UFL1: variants seen among roughly 807,000 people sequenced by gnomAD.
UFL1 encodes E3 UFM1-protein ligase 1.
A neutral mutation model predicts 99.3 loss-of-function variants in UFL1; 78 were observed. The ratio of observed to expected loss-of-function variants is 0.79; its 90% CI spans 0.65 to 0.95. The LOEUF is 0.95. Ranked by LOEUF, UFL1 falls within the 40% of genes least tolerant of loss-of-function variation. The pLI, the probability that UFL1 is intolerant of heterozygous loss-of-function variation, is 0.00. For synonymous variants in UFL1, 335 were observed against 322.2 expected (o/e 1.04, Z -0.42); for missense variants, 936 against 937.0 (o/e 1.00, Z 0.01).
rs182542669 is a variant in UFL1, at chr6:96,554,556, T to C, written c.*1053T>C. 17 of 152,008 alleles carry C rather than the reference T, an allele frequency of 1.1e-4. No individual in the cohort carries two copies. Among genetic ancestry groups the C allele is most frequent in the African/African-American group, 4.1e-4 (17 of 41,560 alleles). 9.4% of individuals were successfully genotyped at this position (152,008 alleles called of 1,614,324 possible). A position where few individuals can be genotyped will look rare whatever the true frequency, so the allele number is the denominator to read the frequency against. On this transcript the variant is annotated 3_prime_UTR_variant, in exon 19 of 19. Transcript: ENST00000369278. The stretch of plus-strand genomic sequence containing the variant: ...ATTTCAAGCAACAACTTACTTACTA[T>C]TTATCAAAAAGGGATTTAATTATTT...
At chr6:96,525,255 A>G in intron 3 of UFL1, 42 bp from the exon 4 acceptor site, 1 of 1,413,594 alleles carries the variant, frequency 7.1e-7, no homozygotes, top group Middle Eastern at 1.9e-4. Context: ...CTTAAGAAAC[A>G]ATACAAACTA....
chr6:96,539,244 G>T (rs902740023), intron 10 of UFL1, among the ~76,000 whole-genome samples: 28 of 151,672 alleles, frequency 1.8e-4, no homozygotes, highest in South Asian at 6.2e-4. Flanking sequence ...ACTGAAGAAA[G>T]AAATTTTGTT....
rs143058752 is a variant in UFL1, at chr6:96,538,202, T to C, written c.979-429T>C. Among the ~76,000 whole-genome samples the C allele has an allele frequency of 6.8e-3, 1,037 of 151,888 alleles. 8 individuals are homozygous for C. Among genetic ancestry groups the C allele is most frequent in the Admixed American group, 0.017 (251 of 15,192 alleles). ...TTGGGGATATGGTAGCCAGACAAGC[T>C]TGCTGTCTTTAGGAGGGACACTTTC... On this transcript the variant is annotated intron_variant, in intron 9 of 18. Coordinates refer to ENST00000369278, the MANE Select transcript of UFL1 (RefSeq NM_015323.5).
At chr6:96,543,110 AG>A (rs1252582348) in intron 12 of UFL1, 94 bp downstream of exon 12, 31 of 1,415,888 alleles carry the variant, frequency 2.2e-5, no homozygotes, top group Non-Finnish European at 2.9e-5. Context: ...ATGCTAATAC[AG>A]GAAGTCCTTA....
At chr6:96,543,683 A>G (rs1165848653) in intron 12 of UFL1, among the ~76,000 whole-genome samples, 2 of 151,082 alleles carry the variant, frequency 1.3e-5, no homozygotes, top group Non-Finnish European at 3.0e-5. Flanking sequence ...CAATTCTTGG[A>G]GATATTCCAA....
chr6:96,550,874 G>A (rs1250312249), intron 15 of UFL1, among the ~76,000 whole-genome samples: 3 of 151,866 alleles, frequency 2.0e-5, no homozygotes, highest in East Asian at 3.9e-4. Flanking sequence ...TACACTTCAG[G>A]GCCTGGTGTC....
Position 96,534,430 on chromosome 6 carries a change from A to G in UFL1, c.655+109A>G, listed in dbSNP as rs564425869. On this transcript the variant is annotated intron_variant, in intron 7 of 18. Coordinates refer to ENST00000369278, the MANE Select transcript of UFL1 (RefSeq NM_015323.5). Reference sequence around the variant, plus strand: ...CTCTTTTATTGTTAATGTAACTAAAATATTTCCTGGTTTAAAAAAGTTTCT... The same window carrying G: ...CTCTTTTATTGTTAATGTAACTAAAGTATTTCCTGGTTTAAAAAAGTTTCT... The G allele has an allele frequency of 7.3e-4, 634 of 868,924 alleles. 2 individuals are homozygous for G. The highest frequency in any genetic ancestry group is 6.7e-3 in the South Asian group (260 of 38,788). 53.8% of individuals were successfully genotyped at this position (868,924 alleles called of 1,614,324 possible).
chr6:96,528,606 C>T lies in UFL1; in HGVS notation c.570C>T (p.Ile190=), dbSNP rs748238940. 6.2e-6 allele frequency: 10 copies of T among 1,613,582 alleles called. No homozygotes were observed. Among genetic ancestry groups the T allele is most frequent in the South Asian group, 3.3e-5 (3 of 91,062 alleles). Residue 190 remains isoleucine, a synonymous_variant, in exon 6 of 19, where the codon ATC becomes ATT. Coordinates refer to ENST00000369278, the MANE Select transcript of UFL1 (RefSeq NM_015323.5). ...EAFVARHKAR[I]RGLFSAITRP... is the part of the protein sequence containing the mutation. ...TTGTAGCTCGACATAAAGCACGTAT[C>T]CGTGGACTATTCAGTGCTATTACCC...
At chr6:96,523,361 G>A (rs531260488) in intron 2 of UFL1, 70 bp downstream of exon 2, 455 of 1,401,564 alleles carry the variant, frequency 3.2e-4, no homozygotes, top group Non-Finnish European at 4.2e-4. Context: ...AACAAAACCC[G>A]TAAACATGTA....
chr6:96,523,642 T>A lies in UFL1; in HGVS notation c.223+351T>A, dbSNP rs546727546. On this transcript the variant is annotated intron_variant, in intron 2 of 18. Coordinates refer to ENST00000369278, the MANE Select transcript of UFL1 (RefSeq NM_015323.5). ...GTAATTGTGAAGGGGGACAGTATCT[T>A]ACAGGATTATAGATTTTTGAAAATC... is the stretch of plus-strand genomic sequence containing the variant. 5.3e-5 allele frequency among the ~76,000 whole-genome samples: 8 copies of A among 152,312 alleles called. No individual in the cohort carries two copies. In the South Asian group the frequency reaches 1.7e-3, roughly 32 times the overall value.
rs1342604113 is a variant in UFL1, at chr6:96,553,367, A to T, written c.2249A>T (p.Asp750Val). ...VSQSKKTGQG[D>V]YPLNNELDKE... ...CAAAGTAAGAAGACTGGGCAGGGAG[A>T]TTATCCCTTGAATAATGAATTAGAC... The change falls in exon 19 of 19, where the codon GAT becomes GTT. Residue 750 changes from aspartate (D) to valine (V), a missense_variant. Transcript: ENST00000369278. 1 of 1,613,702 alleles carries T rather than the reference A, an allele frequency of 6.2e-7. No homozygotes were observed. The highest frequency in any genetic ancestry group is 2.2e-5 in the East Asian group (1 of 44,840).
intron 18 of UFL1, 71 bp downstream of exon 18, chr6:96,552,733 A>T: frequency 7.2e-7 from 1 of 1,380,286 alleles, no homozygotes; most frequent in Non-Finnish European, 9.7e-7. Context: ...GATTGAGATG[A>T]ATTACTGTCA....
chr6:96,541,098 T>G (rs1769924878), intron 11 of UFL1, among the ~76,000 whole-genome samples: 1 of 151,418 alleles, frequency 6.6e-6, no homozygotes, highest in Admixed American at 6.6e-5. Flanking sequence ...TAAATGCCAC[T>G]TCCTTAGAGA....
rs1297103148 is a variant in UFL1 at position 96,551,919 on chromosome 6, GA to G, written c.1984del (p.Arg662AspfsTer15). 6.3e-7 allele frequency: 1 copy of G among 1,593,450 alleles called. No individual in the cohort carries two copies. Among genetic ancestry groups the G allele is most frequent in the Non-Finnish European group, 8.6e-7 (1 of 1,164,752 alleles). ...IMVKRGDKKRERQILFQHRQA... is the reference protein window; with the variant it reads ...IMVKRGDKKRXRQILFQHRQA... ...GGTGAAAAGGGGAGACAAAAAAAGG[GA>G]AAGGTAACATTAAATTAATCTATAT... On this transcript the variant is annotated frameshift_variant, in exon 17 of 19. Transcript: ENST00000369278. LOFTEE classifies it high-confidence loss of function.
In UFL1 at chr6:96,523,209, A is replaced by G. The variant is rs1367050555; in HGVS notation, c.141A>G (p.Val47=). Residue 47 remains valine (V), a synonymous_variant, in exon 2 of 19, where the codon GTA becomes GTG. Coordinates refer to ENST00000369278, the MANE Select transcript of UFL1 (RefSeq NM_015323.5). Reference sequence around the variant, plus strand: ...TGATTGCTCAGAAACAGCTAGAAGTAGTTCATACACTCGATGGAAAGGAAT... The same window carrying G: ...TGATTGCTCAGAAACAGCTAGAAGTGGTTCATACACTCGATGGAAAGGAAT... The part of the protein sequence containing the change: ...NKLIAQKQLE[V]VHTLDGKEYI... 3 of 1,613,628 alleles carry G rather than the reference A, an allele frequency of 1.9e-6. No homozygotes were observed. The highest frequency in any genetic ancestry group is 2.2e-5 in the South Asian group (2 of 91,018).
At position 96,524,385 on chromosome 6, in the gene UFL1, G is replaced by T; in HGVS notation, c.227G>T (p.Arg76Leu). The change falls in exon 3 of 19, where the codon CGA becomes CTA. Residue 76 changes from arginine (R) to leucine (L), a missense_variant. Transcript: ENST00000369278. ...MRDELHVRGG[R>L]VNIVDLQQVI... ...AATGAATGTCTTTTCTTCAAAGGTC[G>T]AGTAAACATTGTTGATCTACAACAG... 2.5e-6 allele frequency: 4 copies of T among 1,588,168 alleles called. No individual in the cohort carries two copies. In the South Asian group the frequency reaches 3.6e-5, roughly 14 times the overall value.
intron 4 of UFL1, 147 bp from the exon 5 acceptor site, chr6:96,526,174 A>C (rs1774399554): frequency 1.7e-6 from 1 of 596,904 alleles, no homozygotes; most frequent in African/African-American, 1.9e-5. Context: ...ATTTGTTAGA[A>C]TATGAGTGAT....
In UFL1 at chr6:96,540,586, A is replaced by C. The variant is rs765736203; in HGVS notation, c.1210A>C (p.Ile404Leu). 2.9e-5 allele frequency: 46 copies of C among 1,607,608 alleles called. 4 individuals carry two copies. The South Asian group carries it at 5.0e-4, about 17-fold the overall frequency. The stretch of plus-strand genomic sequence containing the variant: ...AATCACTGAAGAAGATCTGAAACAA[A>C]TCTCCACTTTAGAAAGCGTTAGTAC... ...HLITEEDLKQ[I>L]STLESVSTSK... The change falls in exon 11 of 19, where the codon ATC becomes CTC. Residue 404 changes from isoleucine (I) to leucine (L), a missense_variant. By Grantham distance (5) the Ile-to-Leu change is conservative. Transcript: ENST00000369278.
At chr6:96,525,460 T>G in intron 4 of UFL1, 66 bp downstream of exon 4, 1 of 1,246,452 alleles carries the variant, frequency 8.0e-7, no homozygotes, top group Non-Finnish European at 1.2e-6. Context: ...TTATAGTGTT[T>G]AAATTTAGGC....
Sources: gnomAD v4.1 joint callset for allele counts (sites outside exome capture counted in the v4.1 genomes callset) on GRCh38, gnomAD v4.1.1 for gene constraint, MANE v1.5 for transcripts, NCBI Gene and HGNC (gene_info 2026-07-23, HGNC 2026-07-21) for gene names.